The following C10orf90 variants were observed in gnomAD, a reference collection of about 807,000 sequenced individuals.
C10orf90 encodes the protein chromosome 10 open reading frame 90.
C10orf90 carries 56 observed loss-of-function variants against 62.5 expected under a neutral mutation model. The observed-to-expected ratio is 0.90, with a 90% CI of 0.72 to 1.12. C10orf90 has a LOEUF of 1.12. C10orf90 is among the 50% of genes most tolerant of loss of function. C10orf90 has a pLI of 0.00. For synonymous variants in C10orf90, 386 were observed against 340.4 expected, an observed-to-expected ratio of 1.13 and a Z score of -1.47; for missense variants, 970 against 880.4, an observed-to-expected ratio of 1.10 and a Z score of -1.29.
At chr10:126,521,527 C>A (rs958110669) in intron 2 of C10orf90, 14 of 1,293,640 alleles carry the variant, frequency 1.1e-5, no homozygotes, top group Non-Finnish European at 1.4e-5. Context: ...ACAGGGCAAC[C>A]AGGGGAGGTG....
At chr10:126,442,503 ATATATC>A (rs1482357170) in intron 7 of C10orf90, among the ~76,000 whole-genome samples, 1 of 107,918 alleles carries the variant, frequency 9.3e-6, no homozygotes, top group Non-Finnish European at 1.9e-5. Flanking sequence ...ATATATATAT[ATATATC>A]TGTTAAGTCC....
At chr10:126,445,929 T>C (rs1390769076) in intron 7 of C10orf90, among the ~76,000 whole-genome samples, 1 of 151,360 alleles carries the variant, frequency 6.6e-6, no homozygotes, top group African/African-American at 2.4e-5. Flanking sequence ...AACTTAGGAA[T>C]GGAAAACCAT....
Position 126,456,394 on chromosome 10 carries a change from C to T in C10orf90, c.2188+2646G>A, listed in dbSNP as rs12261214. ...CAAGTCCCACTTTGAGAGCATGCTG[C>T]TTGCCAGGACTGTCTTGGAATGTGG... On this transcript the variant is annotated intron_variant, in intron 7 of 9. Coordinates refer to ENST00000488181, the MANE Select transcript of C10orf90 (RefSeq NM_001350921.2). The surrounding 1 kb of genome is among the most constrained non-coding windows in gnomAD (Gnocchi z 4.9). Among the ~76,000 whole-genome samples, 1 of 152,126 alleles carries T rather than the reference C, an allele frequency of 6.6e-6. No homozygotes were observed. Among genetic ancestry groups the T allele is most frequent in the Non-Finnish European group, 1.5e-5 (1 of 68,036 alleles).
intron 2 of C10orf90, among the ~76,000 whole-genome samples, chr10:126,535,410 G>C: frequency 6.6e-6 from 1 of 151,962 alleles, no homozygotes; most frequent in East Asian, 2.0e-4. Context: ...CCAGCTACGT[G>C]GGAGGCTGAG....
chr10:126,600,729 C>T (rs1399208041), intron 2 of C10orf90, among the ~76,000 whole-genome samples: 4 of 151,472 alleles, frequency 2.6e-5, no homozygotes, highest in Admixed American at 6.6e-5. Context: ...GTTTCTTAGG[C>T]GTGTGTGTGT....
At chr10:126,551,350 T>C (rs1171698883) in intron 2 of C10orf90, among the ~76,000 whole-genome samples, 1 of 152,224 alleles carries the variant, frequency 6.6e-6, no homozygotes, top group Non-Finnish European at 1.5e-5. Flanking sequence ...CAATAATAGA[T>C]GGAAATATGA....
At chr10:126,582,699 C>T (rs1844779402) in intron 2 of C10orf90, among the ~76,000 whole-genome samples, 1 of 152,120 alleles carries the variant, frequency 6.6e-6, no homozygotes, top group Non-Finnish European at 1.5e-5. Flanking sequence ...TTATTTTCCT[C>T]TCCTGATTAT....
At chr10:126,532,842 C>CA (rs1269013268) in intron 2 of C10orf90, among the ~76,000 whole-genome samples, 530 of 12,088 alleles carry the variant, frequency 0.044, 154 homozygotes, top group Non-Finnish European at 0.059. Flanking sequence ...GACTACGTCT[C>CA]AAAAAAAAAA....
intron 2 of C10orf90, among the ~76,000 whole-genome samples, chr10:126,528,683 T>C (rs1260938650): frequency 6.6e-6 from 1 of 152,192 alleles, no homozygotes; most frequent in Non-Finnish European, 1.5e-5. Context: ...TTTCCTCATC[T>C]GCGAAATGGG....
chr10:126,546,875 A>G (rs960422772), intron 2 of C10orf90, among the ~76,000 whole-genome samples: 2 of 152,254 alleles, frequency 1.3e-5, no homozygotes, highest in Non-Finnish European at 2.9e-5. Context: ...TTATAATCCC[A>G]GCACTCTGGG....
At chr10:126,518,220 G>A (rs1863548259) in intron 2 of C10orf90, among the ~76,000 whole-genome samples, 1 of 152,140 alleles carries the variant, frequency 6.6e-6, no homozygotes, top group Non-Finnish European at 1.5e-5. Flanking sequence ...GCATCCACAC[G>A]ATGGGGGCAC....
At chr10:126,660,532 C>T (rs1475121465) in intron 1 of C10orf90, among the ~76,000 whole-genome samples, 2 of 152,220 alleles carry the variant, frequency 1.3e-5, no homozygotes, top group African/African-American at 4.8e-5. Context: ...CCTGTAGCCA[C>T]AAGGAACTGA....
At chr10:126,567,696 A>G (rs911682495) in intron 2 of C10orf90, among the ~76,000 whole-genome samples, 8 of 152,166 alleles carry the variant, frequency 5.3e-5, no homozygotes, top group Non-Finnish European at 8.8e-5. Flanking sequence ...CTGTGCTGCT[A>G]GGAAGCCAAG....
intron 2 of C10orf90, among the ~76,000 whole-genome samples, chr10:126,531,360 CA>C (rs1455118397): frequency 1.3e-5 from 2 of 152,096 alleles, no homozygotes; most frequent in African/African-American, 2.4e-5. Flanking sequence ...CTAAAGCAAT[CA>C]GGGGTGCTGC....
At chr10:126,433,397 C>T (rs1857707680) in intron 7 of C10orf90, among the ~76,000 whole-genome samples, 1 of 152,036 alleles carries the variant, frequency 6.6e-6, no homozygotes, top group South Asian at 2.1e-4. Context: ...TGGGAAAACT[C>T]CATAACAGGA....
At chr10:126,521,380 T>C (rs1436301850) in intron 2 of C10orf90, 4 of 1,612,092 alleles carry the variant, frequency 2.5e-6, no homozygotes, top group East Asian at 2.2e-5. Flanking sequence ...ATGACAAGGA[T>C]GTATTTGGCG....
chr10:126,555,145 G>T (rs1179619507), intron 2 of C10orf90, among the ~76,000 whole-genome samples: 1 of 152,146 alleles, frequency 6.6e-6, no homozygotes, highest in Non-Finnish European at 1.5e-5. Context: ...AGGTGGGGTG[G>T]TGACATGGTT....
At chr10:126,594,350 G>A (rs1845041905) in intron 2 of C10orf90, among the ~76,000 whole-genome samples, 1 of 152,102 alleles carries the variant, frequency 6.6e-6, no homozygotes, top group South Asian at 2.1e-4. Context: ...AGGACTAGAA[G>A]GAAATACATG....
At chr10:126,654,895 T>C (rs1164374460) in intron 1 of C10orf90, among the ~76,000 whole-genome samples, 2 of 152,184 alleles carry the variant, frequency 1.3e-5, no homozygotes, top group Admixed American at 6.5e-5. Flanking sequence ...TTTCATACTT[T>C]TGTAGCTCAG....
Sources: allele counts gnomAD v4.1 joint callset (sites outside exome capture counted in the v4.1 genomes callset), GRCh38; gene constraint gnomAD v4.1.1; non-coding constraint Gnocchi (gnomAD v3.1); transcripts MANE v1.5; gene names NCBI Gene and HGNC (gene_info 2026-07-23, HGNC 2026-07-21).